The following NUP155 variants were observed in gnomAD, a reference collection of about 807,000 sequenced individuals.
NUP155 encodes nuclear pore complex protein Nup155.
NUP155 carries 71 observed loss-of-function variants against 180.4 expected under a neutral mutation model. The ratio of observed to expected loss-of-function variants is 0.39; its 90% confidence interval spans 0.33 to 0.48. NUP155 has a LOEUF of 0.48. NUP155 is among the 20% of genes least tolerant of loss of function. NUP155 has a pLI of 0.91. For synonymous variants in NUP155, 582 were observed against 559.5 expected (o/e 1.04, Z -0.57); for missense variants, 1,553 against 1,648.9 (o/e 0.94, Z 1.01).
chr5:37,309,716 A>G, intron 23 of NUP155: 1 of 179,368 alleles, frequency 5.6e-6, no homozygotes, highest in Non-Finnish European at 1.2e-5. Context: ...ATTTTTCTTA[A>G]TTTCTCACCT....
chr5:37,297,144 C>A (rs1269806720), intron 32 of NUP155, among the ~76,000 whole-genome samples: 1 of 152,070 alleles, frequency 6.6e-6, no homozygotes, highest in Non-Finnish European at 1.5e-5. Context: ...CCTAACTCAG[C>A]CTGATTAGCT....
At position 37,291,555 on chromosome 5, in the gene NUP155, T is replaced by C; in HGVS notation, c.*345A>G. On this transcript the variant is annotated 3_prime_UTR_variant, in exon 35 of 35. Coordinates refer to ENST00000231498, the MANE Select transcript of NUP155 (RefSeq NM_153485.3). Reference sequence around the variant, plus strand: ...ACTGTGCCTGGCCGCCTAGTGGAGTTTTAATGCCAATATCCTTGGACTAAC... The same window carrying C: ...ACTGTGCCTGGCCGCCTAGTGGAGTCTTAATGCCAATATCCTTGGACTAAC... The C allele has an allele frequency of 4.6e-6, 1 of 216,868 alleles. No individual in the cohort carries two copies. Among genetic ancestry groups the C allele is most frequent in the South Asian group, 6.2e-5 (1 of 16,244 alleles). The allele number at this position is 216,868 out of a possible 1,614,324, so 13.4% of individuals were successfully genotyped here.
chr5:37,312,931 T>C (rs1053021511), intron 22 of NUP155, among the ~76,000 whole-genome samples: 1 of 152,152 alleles, frequency 6.6e-6, no homozygotes, highest in Non-Finnish European at 1.5e-5. Context: ...GTCAAATGTA[T>C]ATGGGAGTTA....
intron 4 of NUP155, among the ~76,000 whole-genome samples, chr5:37,355,909 T>C (rs1219353468): frequency 6.6e-6 from 1 of 151,480 alleles, no homozygotes; most frequent in Non-Finnish European, 1.5e-5. Context: ...ATCAATCAAT[T>C]CTCCTTCCTA....
At chr5:37,312,297 C>G (rs1479915763) in intron 22 of NUP155, among the ~76,000 whole-genome samples, 1 of 151,700 alleles carries the variant, frequency 6.6e-6, no homozygotes, top group East Asian at 1.9e-4. Context: ...TGAACTGAAT[C>G]AAGCCTATAT....
In NUP155 at chr5:37,309,242, C is replaced by T. The variant is rs759544201; in HGVS notation, c.2654G>A (p.Arg885Gln). Residue 885 changes from arginine (R) to glutamine (Q), a missense_variant, in exon 24 of 35, where the codon CGA (arginine) becomes CAA (glutamine). Arg to Gln is a conservative substitution (Grantham distance 43). Coordinates refer to ENST00000231498, the MANE Select transcript of NUP155 (RefSeq NM_153485.3). ...SKANELLQRS[R>Q]QVQNKTEKER... Reference sequence around the variant, plus strand: ...TTTTTCAGTCTTATTTTGAACTTGTCGGGAACGCTGGAGAAGCTCATTTGC... The same window carrying T: ...TTTTTCAGTCTTATTTTGAACTTGTTGGGAACGCTGGAGAAGCTCATTTGC... 9.9e-6 allele frequency: 16 copies of T among 1,612,230 alleles called. No individual in the cohort carries two copies. Among genetic ancestry groups the T allele is most frequent in the Non-Finnish European group, 1.1e-5 (13 of 1,179,504 alleles).
chr5:37,301,140 G>T, intron 30 of NUP155: 1 of 332,784 alleles, frequency 3.0e-6, no homozygotes, highest in Non-Finnish European at 5.8e-6. Flanking sequence ...CTATTTTTTT[G>T]TAAAGATGAG....
rs755567593 is a variant in NUP155, at chr5:37,310,581, A to G, written c.2599T>C (p.Tyr867His). Reference sequence around the variant, plus strand: ...GAACAAATTGCATCATCAGTGCTATATAGAAGTGGGCAGATATCCTGTAAA... The same window carrying G: ...GAACAAATTGCATCATCAGTGCTATGTAGAAGTGGGCAGATATCCTGTAAA... ...LHLQDICPLLYSTDDAICSKA... is the reference protein window; with the variant it reads ...LHLQDICPLLHSTDDAICSKA... Residue 867 changes from tyrosine to histidine, a missense_variant, in exon 23 of 35, where the codon TAT becomes CAT. Physicochemically the swap from Tyr to His is moderately conservative, Grantham distance 83. Transcript: ENST00000231498. 6.2e-7 allele frequency: 1 copy of G among 1,613,580 alleles called. No individual in the cohort carries two copies. The highest frequency in any genetic ancestry group is 8.5e-7 in the Non-Finnish European group (1 of 1,179,678).
At position 37,332,863 on chromosome 5, in the gene NUP155, G is replaced by C. The variant is rs1198041551; in HGVS notation, c.1518+600C>G. ...TCCCAGCTACTCAGGAGGCTGATGT[G>C]GGAGGATCCCTTGAGCCTGGGAGGC... On this transcript the variant is annotated intron_variant, in intron 13 of 34. Transcript: ENST00000231498. Among the ~76,000 whole-genome samples the C allele has an allele frequency of 2.0e-5, 3 of 151,254 alleles. No individual in the cohort carries two copies. In the East Asian group the frequency reaches 5.9e-4, roughly 30 times the overall value.
chr5:37,333,471 AGAG>A lies in NUP155; in HGVS notation c.1507_1509del (p.Leu503del). 1.2e-6 allele frequency: 2 copies of A among 1,613,946 alleles called. No individual in the cohort carries two copies. Among genetic ancestry groups the A allele is most frequent in the Non-Finnish European group, 1.7e-6 (2 of 1,179,806 alleles). On this transcript the variant is annotated inframe_deletion, in exon 13 of 35. Transcript: ENST00000231498. Reference sequence around the variant, plus strand: ...ACAGAATACGTACACACCTGTGCTGAGAGGAGAACAAATTTCTTCGGAGGTAAC... The same window carrying A: ...ACAGAATACGTACACACCTGTGCTGAGAGAACAAATTTCTTCGGAGGTAAC...
At chr5:37,342,791 G>A (rs962226558) in intron 9 of NUP155, 145 bp from the exon 10 acceptor site, 8 of 626,812 alleles carry the variant, frequency 1.3e-5, no homozygotes, top group African/African-American at 5.5e-5. Context: ...GGCTGGAGGA[G>A]AGTGGCGTGA....
intron 20 of NUP155, among the ~76,000 whole-genome samples, chr5:37,319,582 G>A (rs1744113916): frequency 6.6e-6 from 1 of 152,118 alleles, no homozygotes; most frequent in African/African-American, 2.4e-5. Context: ...TATTCAATAA[G>A]GGCTGAGTGC....
chr5:37,332,313 CTTTTTTTTTTTTTTT>C (rs1021002313), intron 13 of NUP155, among the ~76,000 whole-genome samples: 1 of 87,728 alleles, frequency 1.1e-5, no homozygotes, highest in Non-Finnish European at 2.1e-5. Flanking sequence ...GCCATTACAG[CTTTTTTTTTTTTTTT>C]TTTTTTTTTT....
chr5:37,339,918 C>T (rs1297388612), intron 11 of NUP155, among the ~76,000 whole-genome samples: 2 of 152,054 alleles, frequency 1.3e-5, no homozygotes, highest in Non-Finnish European at 2.9e-5. Flanking sequence ...ATGCCCCCTA[C>T]ACCCGGCTAA....
chr5:37,363,118 G>A (rs1203603618), intron 3 of NUP155, among the ~76,000 whole-genome samples: 1 of 152,074 alleles, frequency 6.6e-6, no homozygotes, highest in Non-Finnish European at 1.5e-5. Flanking sequence ...CTCCATGTTG[G>A]CCAGGCTGGT....
In NUP155 at chr5:37,364,591, A is replaced by G. The variant is rs217851; in HGVS notation, c.158-207T>C. On this transcript the variant is annotated intron_variant, in intron 1 of 34. Coordinates refer to ENST00000231498, the MANE Select transcript of NUP155 (RefSeq NM_153485.3). ...TGGTTTCAGGCCTAAAGGGAAAGTC[A>G]TATCTCAAAAAACTTGCTCTGTAAC... 0.96 allele frequency among the ~76,000 whole-genome samples: 145,649 copies of G among 152,084 alleles called. 70,074 individuals carry two copies. The highest frequency in any genetic ancestry group is 1 in the East Asian group (5,182 of 5,182).
At chr5:37,334,845 A>C (rs934874856) in intron 12 of NUP155, among the ~76,000 whole-genome samples, 3 of 152,218 alleles carry the variant, frequency 2.0e-5, no homozygotes, top group Admixed American at 2.0e-4. Flanking sequence ...AAATCTGCTA[A>C]GATACTATCT....
At position 37,370,633 on chromosome 5, in the gene NUP155, T is replaced by C. The variant is rs1747898580; in HGVS notation, c.157+188A>G. The C allele has an allele frequency of 3.9e-6, 6 of 1,526,078 alleles. No individual in the cohort carries two copies. The East Asian group carries it at 7.0e-5, about 18-fold the overall frequency. 94.5% of individuals were successfully genotyped at this position (1,526,078 alleles called of 1,614,324 possible). On this transcript the variant is annotated intron_variant, in intron 1 of 34. Transcript: ENST00000231498. ...CTCTTCACTCTTGCCCTCTCAAGTA[T>C]CTACAATGAAGAAAGTGAGGAAAGG...
chr5:37,355,342 T>C (rs1391756024), intron 4 of NUP155, among the ~76,000 whole-genome samples: 3 of 151,646 alleles, frequency 2.0e-5, no homozygotes, highest in African/African-American at 7.3e-5. Context: ...AACCACATGC[T>C]ACTAAAAATA....
Sources: gnomAD v4.1 joint callset for allele counts (sites outside exome capture counted in the v4.1 genomes callset) on GRCh38, gnomAD v4.1.1 for gene constraint, MANE v1.5 for transcripts, NCBI Gene and HGNC (gene_info 2026-07-23, HGNC 2026-07-21) for gene names.